The following MAL2 variants were observed in gnomAD, a reference collection of about 807,000 sequenced individuals.
The protein encoded by MAL2 is mal, T cell differentiation protein 2.
A neutral mutation model predicts 18.1 loss-of-function variants in MAL2; 17 were observed. That is an observed-to-expected ratio of 0.94 (90% CI 0.64 to 1.41). MAL2 has a LOEUF of 1.41. Among genes scored for constraint, MAL2 ranks in the 40% most tolerant of loss-of-function variants. The probability of loss-of-function intolerance (pLI) is 0.00; values close to 1 mark genes in which losing one functional copy is unlikely to be tolerated. For missense variants in MAL2, 222 were observed against 231.9 expected (o/e 0.96, Z 0.28); for synonymous variants, 102 against 102.3 (o/e 1.00, Z 0.02).
chr8:119,241,932 T>A (rs1047485402), intron 3 of MAL2, among the ~76,000 whole-genome samples: 18 of 152,176 alleles, frequency 1.2e-4, no homozygotes, highest in African/African-American at 4.3e-4. Flanking sequence ...AAGCTGCCTC[T>A]ACCCACCCAT....
At chr8:119,219,773 G>A (rs1453602613) in intron 1 of MAL2, among the ~76,000 whole-genome samples, 1 of 152,160 alleles carries the variant, frequency 6.6e-6, no homozygotes, top group Non-Finnish European at 1.5e-5. Flanking sequence ...CAGATGGAGA[G>A]CCAAAGGGAT....
intron 1 of MAL2, among the ~76,000 whole-genome samples, chr8:119,220,483 G>A (rs1381182373): frequency 6.6e-6 from 1 of 152,156 alleles, no homozygotes; most frequent in Non-Finnish European, 1.5e-5. Context: ...TAGCCAGAGA[G>A]AAATTTCTAA....
intron 1 of MAL2, chr8:119,221,328 G>T: frequency 2.5e-6 from 1 of 399,430 alleles, no homozygotes; most frequent in Non-Finnish European, 4.6e-6. Flanking sequence ...ACATGTACAT[G>T]GGTTGAAGAA....
At chr8:119,235,253 A>G (rs1219732834) in intron 2 of MAL2, among the ~76,000 whole-genome samples, 2 of 152,132 alleles carry the variant, frequency 1.3e-5, no homozygotes, top group African/African-American at 2.4e-5. Flanking sequence ...TTAGAGAAAA[A>G]AGAATAAAAA....
intron 2 of MAL2, chr8:119,223,371 G>A (rs913164739): frequency 2.6e-5 from 4 of 152,024 alleles, no homozygotes; most frequent in South Asian, 2.1e-4. Context: ...AACCTCTCTC[G>A]ATTTTAGTTT....
intron 3 of MAL2, among the ~76,000 whole-genome samples, chr8:119,243,204 A>G (rs1159404956): frequency 2.6e-5 from 4 of 152,120 alleles, no homozygotes; most frequent in Non-Finnish European, 4.4e-5. Flanking sequence ...TTAGGAGCTA[A>G]AATGTTTAAA....
intron 1 of MAL2, among the ~76,000 whole-genome samples, chr8:119,211,963 T>C (rs1286098841): frequency 6.6e-6 from 1 of 152,220 alleles, no homozygotes; most frequent in Non-Finnish European, 1.5e-5. Context: ...ATACCTACTA[T>C]GTGCAAGGCA....
intron 2 of MAL2, among the ~76,000 whole-genome samples, chr8:119,225,958 G>C (rs1016287517): frequency 2.0e-5 from 3 of 152,116 alleles, no homozygotes; most frequent in African/African-American, 7.2e-5. Context: ...CCCACTTTTT[G>C]ATGGGGTTGT....
In MAL2 at chr8:119,208,517, C is replaced by G. The variant is rs1410969204; in HGVS notation, c.45C>G (p.Ala15=). ...GASVPPPPNP[A]VSFPPPRVTL... The stretch of plus-strand genomic sequence containing the variant: ...CAGTCCCGCCGCCCCCGAACCCCGC[C>G]GTGTCCTTCCCGCCGCCCCGGGTCA... Residue 15 remains alanine, a synonymous_variant, in exon 1 of 4, where the codon GCC becomes GCG. Transcript: ENST00000614891. The surrounding 1 kb of genome is among the most constrained non-coding windows in gnomAD (Gnocchi z 4.3). The G allele has an allele frequency of 7.2e-7, 1 of 1,380,020 alleles. No individual in the cohort carries two copies. The highest frequency in any genetic ancestry group is 1.5e-5 in the African/African-American group (1 of 67,340). 85.5% of individuals were successfully genotyped at this position (1,380,020 alleles called of 1,614,324 possible). A position where few individuals can be genotyped will look rare whatever the true frequency, so the allele number is the denominator to read the frequency against.
intron 1 of MAL2, among the ~76,000 whole-genome samples, chr8:119,217,132 G>A (rs1405876075): frequency 6.6e-6 from 1 of 152,190 alleles, no homozygotes; most frequent in Non-Finnish European, 1.5e-5. Context: ...GTGAAAACAT[G>A]TCTTCACATC....
chr8:119,233,466 TA>T (rs1165885742), intron 2 of MAL2, among the ~76,000 whole-genome samples: 3 of 152,080 alleles, frequency 2.0e-5, no homozygotes, highest in Non-Finnish European at 2.9e-5. Context: ...AAGAATCAAA[TA>T]GACGCAATAA....
At chr8:119,229,310 CCT>C (rs1817660660) in intron 2 of MAL2, among the ~76,000 whole-genome samples, 2 of 93,638 alleles carry the variant, frequency 2.1e-5, no homozygotes, top group African/African-American at 4.2e-5. Flanking sequence ...TCACTGTGGG[CCT>C]CTTTTTTTTT....
chr8:119,235,688 A>G (rs930917174), intron 2 of MAL2, among the ~76,000 whole-genome samples: 1 of 151,488 alleles, frequency 6.6e-6, no homozygotes, highest in Non-Finnish European at 1.5e-5. Flanking sequence ...ATATCCAGCC[A>G]AACTAAGCTT....
intron 2 of MAL2, among the ~76,000 whole-genome samples, chr8:119,228,185 C>G (rs1481216830): frequency 1.3e-5 from 2 of 152,094 alleles, no homozygotes; most frequent in Non-Finnish European, 2.9e-5. Context: ...CTACCTTTGT[C>G]AAGATGGTAA....
chr8:119,240,712 A>C (rs1818031054), intron 3 of MAL2, among the ~76,000 whole-genome samples: 1 of 152,170 alleles, frequency 6.6e-6, no homozygotes, highest in Non-Finnish European at 1.5e-5. Context: ...TTGAATGAAT[A>C]GTTACTGTGG....
At chr8:119,243,212 A>G (rs896101765) in intron 3 of MAL2, among the ~76,000 whole-genome samples, 2 of 152,086 alleles carry the variant, frequency 1.3e-5, no homozygotes, top group Non-Finnish European at 2.9e-5. Context: ...TAAAATGTTT[A>G]AAGGAAGGGG....
intron 1 of MAL2, among the ~76,000 whole-genome samples, chr8:119,214,148 G>A (rs1817307711): frequency 6.6e-6 from 1 of 152,156 alleles, no homozygotes; most frequent in Admixed American, 6.5e-5. Flanking sequence ...CAGGAACCAG[G>A]TTGGCATACC....
chr8:119,235,416 G>T (rs1403667881), intron 2 of MAL2, among the ~76,000 whole-genome samples: 1 of 152,058 alleles, frequency 6.6e-6, no homozygotes, highest in East Asian at 1.9e-4. Context: ...TAGCAAGGCA[G>T]GCCAACATTC....
intron 2 of MAL2, among the ~76,000 whole-genome samples, chr8:119,237,453 T>C (rs201660049): frequency 1.5e-4 from 23 of 151,590 alleles, no homozygotes; most frequent in African/African-American, 2.7e-4. Flanking sequence ...CCAGCATCAT[T>C]CTGATACCAA....
Sources: gnomAD v4.1 joint callset for allele counts (sites outside exome capture counted in the v4.1 genomes callset) on GRCh38, gnomAD v4.1.1 for gene constraint, Gnocchi (gnomAD v3.1) non-coding constraint, MANE v1.5 for transcripts, NCBI Gene and HGNC (gene_info 2026-07-23, HGNC 2026-07-21) for gene names.